NUP88: variants seen among roughly 807,000 people sequenced by gnomAD.
NUP88 encodes the protein nucleoporin 88.
In NUP88, 57 loss-of-function variants were observed where a neutral mutation model predicts 93.9. The ratio of observed to expected loss-of-function variants is 0.61; its 90% CI spans 0.49 to 0.76. The LOEUF (loss-of-function observed/expected upper bound fraction) is 0.76. NUP88 is among the 30% of genes least tolerant of loss of function. The pLI is 0.00. For synonymous variants in NUP88, 346 were observed against 336.8 expected (o/e 1.03, Z -0.30); for missense variants, 911 against 901.0 (o/e 1.01, Z -0.14).
rs1912677482 is a variant in NUP88 at position 5,394,938 on chromosome 17, CTGT to C, written c.1332_1334del (p.Gln445del). Reference sequence around the variant, plus strand: ...AAAGGATGTGTTCAACAAAGCATTTCTGTTCTGTAGAGAGTTCCTGTAAACTAT... The same window carrying C: ...AAAGGATGTGTTCAACAAAGCATTTCTCTGTAGAGAGTTCCTGTAAACTAT... On this transcript the variant is annotated inframe_deletion, in exon 9 of 17. Coordinates refer to ENST00000573584, the MANE Select transcript of NUP88 (RefSeq NM_002532.6). The C allele has an allele frequency of 3.7e-6, 6 of 1,613,816 alleles. No individual in the cohort carries two copies. The East Asian group carries it at 1.3e-4, about 36-fold the overall frequency.
chr17:5,390,915 C>T (rs932438709), intron 10 of NUP88, among the ~76,000 whole-genome samples: 1 of 151,974 alleles, frequency 6.6e-6, no homozygotes, highest in Non-Finnish European at 1.5e-5. Context: ...AGGCTGATCT[C>T]GAACTCTGGG....
intron 2 of NUP88, among the ~76,000 whole-genome samples, chr17:5,416,185 A>ACACACACC (rs1914137276): frequency 7.5e-6 from 1 of 132,878 alleles, no homozygotes. Flanking sequence ...ATATATACAC[A>ACACACACC]CATACACACA....
intron 3 of NUP88, among the ~76,000 whole-genome samples, chr17:5,412,008 C>T (rs1324091298): frequency 1.3e-5 from 2 of 152,148 alleles, no homozygotes; most frequent in South Asian, 2.1e-4. Context: ...AAAGAAGGTG[C>T]AACAGGGCAT....
intron 10 of NUP88, 130 bp downstream of exon 10, chr17:5,391,431 A>C (rs1208736073): frequency 4.5e-6 from 3 of 668,872 alleles, no homozygotes; most frequent in Non-Finnish European, 7.9e-6. Context: ...CCATCCTTCC[A>C]ACCCTCAAGT....
intron 8 of NUP88, among the ~76,000 whole-genome samples, chr17:5,398,923 C>G (rs1439394694): frequency 7.0e-6 from 1 of 142,960 alleles, no homozygotes; most frequent in East Asian, 2.2e-4. Context: ...GAGTCTCGCT[C>G]TGTTGCCCAG....
rs979640832 is a variant in NUP88, at chr17:5,416,627, G to C, written c.353C>G (p.Pro118Arg). The stretch of plus-strand genomic sequence containing the variant: ...TATAAGTGCTACATGATGTTGTGTT[G>C]GGCTTAACAAGACTTGATAGATTTC... ...LFEIYQVLLS[P>R]TQHHVALIGI... is the part of the protein sequence containing the mutation. Residue 118 changes from proline (P) to arginine (R), a missense_variant, in exon 2 of 17, where the codon CCA becomes CGA. Physicochemically the swap from Pro to Arg is moderately radical, Grantham distance 103. Transcript: ENST00000573584. 1 of 1,611,900 alleles carries C rather than the reference G, an allele frequency of 6.2e-7. No individual in the cohort carries two copies. Among genetic ancestry groups the C allele is most frequent in the Non-Finnish European group, 8.5e-7 (1 of 1,179,318 alleles).
intron 9 of NUP88, among the ~76,000 whole-genome samples, chr17:5,391,941 T>G (rs539706444): frequency 6.6e-6 from 1 of 150,516 alleles, no homozygotes; most frequent in African/African-American, 2.4e-5. Context: ...TCTCTCCAAC[T>G]TGCACATAAG....
intron 2 of NUP88, among the ~76,000 whole-genome samples, chr17:5,416,188 T>TACACACACACACACACAC (rs149950508): frequency 1.4e-4 from 18 of 126,198 alleles, no homozygotes; most frequent in African/African-American, 5.1e-4. Flanking sequence ...TATACACACA[T>TACACACACACACACACAC]ACACACACAC....
Position 5,386,075 on chromosome 17 carries a change from T to C in NUP88, c.*131A>G, listed in dbSNP as rs1337179013. ...TACTCAATTATTATAAAACAACATA[T>C]TTAAAAAGATGAACCACACCAAAGG... On this transcript the variant is annotated 3_prime_UTR_variant, in exon 17 of 17. Coordinates refer to ENST00000573584, the MANE Select transcript of NUP88 (RefSeq NM_002532.6). 1.5e-6 allele frequency: 1 copy of C among 647,408 alleles called. No homozygotes were observed. Among genetic ancestry groups the C allele is most frequent in the Non-Finnish European group, 2.7e-6 (1 of 373,208 alleles). The allele number at this position is 647,408 out of a possible 1,614,324, so 40.1% of individuals were successfully genotyped here.
chr17:5,406,790 C>T (rs936624889), intron 5 of NUP88, among the ~76,000 whole-genome samples: 7 of 149,432 alleles, frequency 4.7e-5, no homozygotes, highest in South Asian at 4.2e-4. Flanking sequence ...AAAAGAAAAT[C>T]GCAAACAAAT....
intron 11 of NUP88, 73 bp downstream of exon 11, chr17:5,388,729 A>G (rs1408171982): frequency 3.0e-6 from 4 of 1,349,464 alleles, no homozygotes; most frequent in Non-Finnish European, 4.1e-6. Flanking sequence ...AGATGAGGAC[A>G]GAAAGGATGC....
chr17:5,391,809 T>C, intron 9 of NUP88, 147 bp from the exon 10 acceptor site: 1 of 633,000 alleles, frequency 1.6e-6, no homozygotes, highest in Non-Finnish European at 2.8e-6. Flanking sequence ...AAGTGGTGGC[T>C]TGGAAACCTT....
intron 7 of NUP88, among the ~76,000 whole-genome samples, chr17:5,402,725 T>C (rs1913246288): frequency 6.6e-6 from 1 of 152,202 alleles, no homozygotes; most frequent in South Asian, 2.1e-4. Context: ...CAAATAGGGC[T>C]GGGCATGGTG....
chr17:5,388,725 G>A (rs752143366), intron 11 of NUP88, 77 bp downstream of exon 11: 1 of 1,309,250 alleles, frequency 7.6e-7, no homozygotes, highest in Admixed American at 2.1e-5. Flanking sequence ...AAACAGATGA[G>A]GACAGAAAGG....
rs896197840 is a variant in NUP88, at chr17:5,388,909, A to T, written c.1536T>A (p.Val512=). 4 of 1,613,886 alleles carry T rather than the reference A, an allele frequency of 2.5e-6. No individual in the cohort carries two copies. The highest frequency in any genetic ancestry group is 2.5e-6 in the Non-Finnish European group (3 of 1,179,930). The change falls in exon 11 of 17, where the codon GTT becomes GTA. Residue 512 remains valine, a synonymous_variant. Transcript: ENST00000573584. Reference sequence around the variant, plus strand: ...CACGGAGGGGAGACTCTGCCACTTCAACATCTTCTCGAGTACAAAGCAGGG... The same window carrying T: ...CACGGAGGGGAGACTCTGCCACTTCTACATCTTCTCGAGTACAAAGCAGGG... The part of the protein sequence containing the change: ...SPPLLCTRED[V]EVAESPLRVL...
chr17:5,405,885 G>A (rs1913462412), intron 5 of NUP88, among the ~76,000 whole-genome samples: 1 of 152,144 alleles, frequency 6.6e-6, no homozygotes, highest in African/African-American at 2.4e-5. Flanking sequence ...GGATTCTGTT[G>A]TATGCTTTGA....
At chr17:5,393,435 CTTTTTTTTTTTT>C (rs35265554) in intron 9 of NUP88, among the ~76,000 whole-genome samples, 2 of 121,698 alleles carry the variant, frequency 1.6e-5, no homozygotes, top group African/African-American at 6.1e-5. Context: ...GTTCACTTTT[CTTTTTTTTTTTT>C]TTTTTTTGAG....
At chr17:5,390,217 G>A (rs926409985) in intron 10 of NUP88, among the ~76,000 whole-genome samples, 1 of 151,522 alleles carries the variant, frequency 6.6e-6, no homozygotes, top group African/African-American at 2.4e-5. Flanking sequence ...TCCCCTTTGG[G>A]ATTCATATTT....
chr17:5,396,568 T>G (rs1205775529), intron 8 of NUP88, among the ~76,000 whole-genome samples: 3 of 152,236 alleles, frequency 2.0e-5, no homozygotes, highest in Admixed American at 6.5e-5. Context: ...GCTTCTGGGC[T>G]ATGATGAATA....
Sources: gnomAD v4.1 joint callset for allele counts (sites outside exome capture counted in the v4.1 genomes callset) on GRCh38, gnomAD v4.1.1 for gene constraint, MANE v1.5 for transcripts, NCBI Gene and HGNC (gene_info 2026-07-23, HGNC 2026-07-21) for gene names.